Variants in CCDC148 observed in about 807,000 individuals in gnomAD.
CCDC148 encodes coiled-coil domain-containing protein 148.
In CCDC148, 89 loss-of-function variants were observed where a neutral mutation model predicts 85.7. That is an observed-to-expected ratio of 1.04 (90% CI 0.87 to 1.24). The LOEUF (loss-of-function observed/expected upper bound fraction) is 1.24, where lower values mean the gene tolerates loss of function less well. Ranked by LOEUF, CCDC148 falls within the 50% of genes most tolerant of loss-of-function variation. The pLI is 0.00. For missense variants in CCDC148, 692 were observed against 671.7 expected, an observed-to-expected ratio of 1.03 and a Z score of -0.33; for synonymous variants, 230 against 213.9, an observed-to-expected ratio of 1.08 and a Z score of -0.66.
chr2:158,279,678 T>C (rs1023200035), intron 9 of CCDC148, among the ~76,000 whole-genome samples: 1 of 152,156 alleles, frequency 6.6e-6, no homozygotes, highest in African/African-American at 2.4e-5. Flanking sequence ...ACAGGGGGAA[T>C]GGAACCAAGT....
intron 11 of CCDC148, 104 bp from the exon 12 acceptor site, chr2:158,179,100 T>C: frequency 1.5e-6 from 1 of 688,602 alleles, no homozygotes; most frequent in South Asian, 2.6e-5. Flanking sequence ...GTAACAGCAC[T>C]GTCACATTTT....
At chr2:158,391,639 T>G (rs994883029) in intron 1 of CCDC148, among the ~76,000 whole-genome samples, 1 of 152,144 alleles carries the variant, frequency 6.6e-6, no homozygotes, top group African/African-American at 2.4e-5. Flanking sequence ...GATAAGTAAT[T>G]CTTAAATAGT....
chr2:158,319,570 C>G (rs1307635979), intron 7 of CCDC148, among the ~76,000 whole-genome samples: 1 of 152,184 alleles, frequency 6.6e-6, no homozygotes, highest in Non-Finnish European at 1.5e-5. Context: ...AACACCAGAC[C>G]TCACTGTACT....
chr2:158,187,745 A>C (rs1041383863), intron 11 of CCDC148, among the ~76,000 whole-genome samples: 1 of 152,014 alleles, frequency 6.6e-6, no homozygotes, highest in African/African-American at 2.4e-5. Context: ...AAGTTCCAAC[A>C]TGAATCCTCT....
Position 158,453,603 on chromosome 2 carries a change from T to C in CCDC148, c.25+2812A>G, listed in dbSNP as rs541217550. On this transcript the variant is annotated intron_variant, in intron 1 of 13. Transcript: ENST00000283233. ...TATCTTCACCTCCCCCACTCCTCCATAGACACCCAGGTATGACAAGAGACT... is the reference window on the plus strand; with the variant it reads ...TATCTTCACCTCCCCCACTCCTCCACAGACACCCAGGTATGACAAGAGACT... 7.9e-5 allele frequency among the ~76,000 whole-genome samples: 12 copies of C among 152,270 alleles called. No homozygotes were observed. The East Asian group carries it at 2.1e-3, about 27-fold the overall frequency.
At chr2:158,354,692 A>G (rs1015527998) in intron 2 of CCDC148, among the ~76,000 whole-genome samples, 2 of 151,978 alleles carry the variant, frequency 1.3e-5, no homozygotes, top group Non-Finnish European at 2.9e-5. Flanking sequence ...TATTCCAATC[A>G]ATAGAGAAAG....
intron 1 of CCDC148, among the ~76,000 whole-genome samples, chr2:158,359,734 G>A (rs1427748873): frequency 6.6e-6 from 1 of 152,138 alleles, no homozygotes; most frequent in African/African-American, 2.4e-5. Flanking sequence ...AGAGCCCCGG[G>A]TTTCAAGCAC....
intron 10 of CCDC148, among the ~76,000 whole-genome samples, chr2:158,239,313 C>A (rs1688249268): frequency 6.6e-6 from 1 of 151,342 alleles, no homozygotes. Flanking sequence ...TCTCTCCCTC[C>A]CCACCCACCC....
chr2:158,252,850 T>C (rs576931872), intron 9 of CCDC148, among the ~76,000 whole-genome samples: 3 of 151,336 alleles, frequency 2.0e-5, no homozygotes, highest in South Asian at 2.1e-4. Flanking sequence ...TTCAATCCTA[T>C]GTTAAACTCT....
In CCDC148 at chr2:158,435,329, TC is replaced by T. The variant is rs2105336688; in HGVS notation, c.25+21085del. ...GAGAGTGGGGGCCAATACTCCACAT[TC>T]TTAAAGAAAAGAATTTTCAACCCAG... On this transcript the variant is annotated intron_variant, in intron 1 of 13. Transcript: ENST00000283233. 1.3e-5 allele frequency among the ~76,000 whole-genome samples: 2 copies of T among 152,318 alleles called. 1 individual carries two copies. Among genetic ancestry groups the T allele is most frequent in the Admixed American group, 1.3e-4 (2 of 15,304 alleles).
At chr2:158,264,999 A>G (rs1251332710) in intron 9 of CCDC148, among the ~76,000 whole-genome samples, 1 of 152,076 alleles carries the variant, frequency 6.6e-6, no homozygotes, top group Non-Finnish European at 1.5e-5. Flanking sequence ...AGCTTCCCCA[A>G]TCTTCGAATT....
At chr2:158,371,285 T>G (rs1458036930) in intron 1 of CCDC148, among the ~76,000 whole-genome samples, 1 of 152,058 alleles carries the variant, frequency 6.6e-6, no homozygotes, top group Non-Finnish European at 1.5e-5. Flanking sequence ...TTGCACTGTA[T>G]AGAACTTTAA....
intron 7 of CCDC148, among the ~76,000 whole-genome samples, chr2:158,323,227 C>A (rs1193312135): frequency 1.3e-5 from 2 of 152,138 alleles, no homozygotes; most frequent in African/African-American, 4.8e-5. Flanking sequence ...TAGCCCCTAG[C>A]CACATGTGGC....
At chr2:158,339,240 C>T (rs577816594) in intron 5 of CCDC148, among the ~76,000 whole-genome samples, 155 bp from the exon 6 acceptor site, 3 of 152,258 alleles carry the variant, frequency 2.0e-5, no homozygotes, top group Admixed American at 2.0e-4. Context: ...GTAGGCAGTG[C>T]TCATCAGACA....
intron 2 of CCDC148, among the ~76,000 whole-genome samples, chr2:158,350,168 C>G (rs962736895): frequency 6.6e-6 from 1 of 152,146 alleles, no homozygotes; most frequent in African/African-American, 2.4e-5. Context: ...TAGCAGCTAA[C>G]AGTGCTGAGA....
chr2:158,202,381 TC>T (rs1393389073), intron 11 of CCDC148, among the ~76,000 whole-genome samples: 1 of 152,216 alleles, frequency 6.6e-6, no homozygotes, highest in Non-Finnish European at 1.5e-5. Context: ...GAGAATGGTG[TC>T]TTTGGTTTAA....
chr2:158,333,526 A>G (rs1196185633), intron 7 of CCDC148, among the ~76,000 whole-genome samples: 1 of 152,152 alleles, frequency 6.6e-6, no homozygotes, highest in East Asian at 1.9e-4. Context: ...GTAGATGTCT[A>G]TTAGGTCCGT....
Position 158,309,506 on chromosome 2 carries a change from G to A in CCDC148, c.1037C>T (p.Thr346Ile), listed in dbSNP as rs771616364. ...AVLTLTEACATHEMESMLAKD... is the reference protein window; with the variant it reads ...AVLTLTEACAIHEMESMLAKD... ...AGCCAACATGCTCTCCATTTCATGT[G>A]TTGCACAAGCCTCAGTGAGTGTCAG... Residue 346 changes from threonine to isoleucine, a missense_variant, in exon 9 of 14, where the codon ACA becomes ATA. Transcript: ENST00000283233. 26 of 1,613,998 alleles carry A rather than the reference G, an allele frequency of 1.6e-5. No individual in the cohort carries two copies. Among genetic ancestry groups the A allele is most frequent in the Middle Eastern group, 1.6e-4 (1 of 6,084 alleles).
At chr2:158,310,528 C>T (rs1430614674) in intron 8 of CCDC148, among the ~76,000 whole-genome samples, 12 of 151,302 alleles carry the variant, frequency 7.9e-5, no homozygotes, top group Middle Eastern at 3.5e-3. Flanking sequence ...ACCCCCCAGA[C>T]GGGGCCGCCA....
Sources: allele counts gnomAD v4.1 joint callset (sites outside exome capture counted in the v4.1 genomes callset), GRCh38; gene constraint gnomAD v4.1.1; transcripts MANE v1.5; gene names NCBI Gene and HGNC (gene_info 2026-07-23, HGNC 2026-07-21).